PHTF1: variants seen among roughly 807,000 people sequenced by gnomAD.
PHTF1 encodes the protein protein PHTF1.
Under a neutral mutation model 102.4 loss-of-function variants are expected in PHTF1, and 88 were observed. The observed-to-expected ratio is 0.86, with a 90% CI of 0.72 to 1.03. The LOEUF (loss-of-function observed/expected upper bound fraction) is 1.03. Among genes scored for constraint, PHTF1 ranks in the 50% least tolerant of loss-of-function variants. The pLI is 0.00. For synonymous variants in PHTF1, 289 were observed against 305.2 expected, an observed-to-expected ratio of 0.95 and a Z score of 0.55; for missense variants, 814 against 909.5, an observed-to-expected ratio of 0.89 and a Z score of 1.35.
At chr1:113,703,533 T>G (rs945695763) in intron 15 of PHTF1, among the ~76,000 whole-genome samples, 3 of 144,738 alleles carry the variant, frequency 2.1e-5, no homozygotes, top group African/African-American at 7.3e-5. Flanking sequence ...GTTTTTTTCT[T>G]TTTTTTTCAT....
intron 2 of PHTF1, 108 bp downstream of exon 2, chr1:113,758,551 T>C: frequency 2.0e-6 from 1 of 501,602 alleles, no homozygotes. Flanking sequence ...GAAGTATACA[T>C]GAACACCTGG....
In PHTF1 at chr1:113,700,722, C is replaced by CCT. The variant is rs1649342269; in HGVS notation, c.2046+70_2046+71dup. On this transcript the variant is annotated intron_variant, in intron 16 of 18. Coordinates refer to ENST00000369604, the MANE Select transcript of PHTF1 (RefSeq NM_001323043.2). The stretch of plus-strand genomic sequence containing the variant: ...GCTAGACAGTGATTAAACCCTGAAT[C>CCT]CTCTGCAGGAACCTTACAGCGTATT... 2.9e-6 allele frequency: 4 copies of CCT among 1,397,856 alleles called. No individual in the cohort carries two copies. The East Asian group carries it at 9.4e-5, about 33-fold the overall frequency. 86.6% of individuals were successfully genotyped at this position (1,397,856 alleles called of 1,614,324 possible).
chr1:113,720,774 C>G (rs1652804248), intron 7 of PHTF1, among the ~76,000 whole-genome samples: 1 of 152,172 alleles, frequency 6.6e-6, no homozygotes, highest in Non-Finnish European at 1.5e-5. Flanking sequence ...GTGCGGGTGC[C>G]CACCCCACAT....
At chr1:113,738,894 C>T in intron 3 of PHTF1, 95 bp from the exon 4 acceptor site, 2 of 827,914 alleles carry the variant, frequency 2.4e-6, no homozygotes, top group Non-Finnish European at 3.8e-6. Context: ...TCTTGTAGCC[C>T]AGGCTGGAGT....
intron 18 of PHTF1, 125 bp downstream of exon 18, chr1:113,698,137 T>A: frequency 1.4e-6 from 1 of 725,978 alleles, no homozygotes; most frequent in South Asian, 2.0e-5. Flanking sequence ...CCTCAAGAGT[T>A]ATTTGCATGC....
At chr1:113,751,153 ATACATT>A (rs1658015387) in intron 3 of PHTF1, among the ~76,000 whole-genome samples, 1 of 152,188 alleles carries the variant, frequency 6.6e-6, no homozygotes, top group African/African-American at 2.4e-5. Context: ...GTGAATATGT[ATACATT>A]TACATTTTTG....
At chr1:113,741,204 GCAGT>G (rs924488317) in intron 3 of PHTF1, among the ~76,000 whole-genome samples, 6 of 152,124 alleles carry the variant, frequency 3.9e-5, no homozygotes, top group South Asian at 4.1e-4. Context: ...TTAAACAGAT[GCAGT>G]CAGTTTCTCT....
chr1:113,723,843 C>T (rs997813965), intron 7 of PHTF1, among the ~76,000 whole-genome samples: 2 of 152,120 alleles, frequency 1.3e-5, no homozygotes, highest in African/African-American at 4.8e-5. Flanking sequence ...ATACAACTCA[C>T]AGAATGAGAG....
chr1:113,752,385 A>ATTTTT lies in PHTF1; in HGVS notation c.102+5309_102+5313dup, dbSNP rs774522219. 1.8e-3 allele frequency among the ~76,000 whole-genome samples: 86 copies of ATTTTT among 47,916 alleles called. 6 individuals are homozygous for ATTTTT. Among genetic ancestry groups the ATTTTT allele is most frequent in the East Asian group, 3.0e-3 (5 of 1,666 alleles). 31.4% of individuals were successfully genotyped at this position (47,916 alleles called of 152,430 possible). On this transcript the variant is annotated intron_variant, in intron 3 of 18. Coordinates refer to ENST00000369604, the MANE Select transcript of PHTF1 (RefSeq NM_001323043.2). ...CTTGCCACATTCATTTGTTACTGTA[A>ATTTTT]TTTTTTTTTTTTTTTTTTTTTTTTT...
rs1348222294 is a variant in PHTF1, at chr1:113,726,523, AC to A, written c.382del (p.Val128TyrfsTer23). On this transcript the variant is annotated frameshift_variant, in exon 6 of 19. Coordinates refer to ENST00000369604, the MANE Select transcript of PHTF1 (RefSeq NM_001323043.2). LOFTEE classifies it high-confidence loss of function. ...LMMPIVNISE[V>X]LGPLCLMLLM... The stretch of plus-strand genomic sequence containing the variant: ...TAGCATAAGGCACAAGGGTCCAAGT[AC>A]TTCACTTATGTTCACAATAGGCATC... The A allele has an allele frequency of 6.2e-7, 1 of 1,607,966 alleles. No individual in the cohort carries two copies. Among genetic ancestry groups the A allele is most frequent in the Admixed American group, 1.7e-5 (1 of 59,266 alleles).
At chr1:113,727,379 T>C (rs1171196171) in intron 5 of PHTF1, among the ~76,000 whole-genome samples, 1 of 152,166 alleles carries the variant, frequency 6.6e-6, no homozygotes, top group Non-Finnish European at 1.5e-5. Context: ...TGTTCACCGC[T>C]ATATCTAAAA....
chr1:113,757,632 G>GT, intron 3 of PHTF1, 67 bp downstream of exon 3: 1 of 990,762 alleles, frequency 1.0e-6, no homozygotes, highest in Non-Finnish European at 1.6e-6. Context: ...AGTTTACCAG[G>GT]TAAGTACAAT....
intron 5 of PHTF1, among the ~76,000 whole-genome samples, chr1:113,733,750 C>T (rs1292182484): frequency 2.0e-5 from 3 of 152,126 alleles, no homozygotes; most frequent in Non-Finnish European, 4.4e-5. Flanking sequence ...TTATAAAGCA[C>T]CTAGGCCATG....
Position 113,759,209 on chromosome 1 carries a change from C to A in PHTF1, c.-217G>T. The A allele has an allele frequency of 2.1e-6, 1 of 466,426 alleles. No individual in the cohort carries two copies. The highest frequency in any genetic ancestry group is 2.8e-6 in the Non-Finnish European group (1 of 354,978). 28.9% of individuals were successfully genotyped at this position (466,426 alleles called of 1,614,324 possible). A position where few individuals can be genotyped will look rare whatever the true frequency, so the allele number is the denominator to read the frequency against. ...CCCCAGCTTCGGAGGCAGCCGGCCG[C>A]CCAGCGCCCTGAGGGCGGCAAATCG... On this transcript the variant is annotated 5_prime_UTR_variant, in exon 1 of 19. Coordinates refer to ENST00000369604, the MANE Select transcript of PHTF1 (RefSeq NM_001323043.2).
At chr1:113,748,943 T>C (rs1240724426) in intron 3 of PHTF1, among the ~76,000 whole-genome samples, 2 of 152,250 alleles carry the variant, frequency 1.3e-5, no homozygotes, top group Admixed American at 1.3e-4. Flanking sequence ...ATTCTATGTA[T>C]TCAGTGTGTA....
intron 2 of PHTF1, among the ~76,000 whole-genome samples, chr1:113,758,231 CAA>C (rs1162537319): frequency 4.8e-4 from 28 of 58,214 alleles, no homozygotes; most frequent in African/African-American, 1.6e-3. Flanking sequence ...AACTCCGTCT[CAA>C]AAAAAAAAAA....
At chr1:113,701,615 G>A (rs377071378) in intron 15 of PHTF1, among the ~76,000 whole-genome samples, 11 of 151,796 alleles carry the variant, frequency 7.2e-5, no homozygotes, top group South Asian at 6.3e-4. Flanking sequence ...CCAGGGCTAC[G>A]TAGGCTCCCA....
intron 3 of PHTF1, among the ~76,000 whole-genome samples, chr1:113,744,321 A>G (rs912090740): frequency 6.6e-6 from 1 of 152,244 alleles, no homozygotes. Context: ...TTGATGCAAT[A>G]TAATTGGACT....
rs1371903277 is a variant in PHTF1 at position 113,724,863 on chromosome 1, C to G, written c.519G>C (p.Gly173=). The change falls in exon 7 of 19, where the codon GGG becomes GGC. Residue 173 remains glycine (G), a synonymous_variant. Transcript: ENST00000369604. ...AGGAGTTATTTCCATTTTCTCGGCT[C>G]CCATCACCATTTACAGTTTTTCGTA... ...RKLRKTVNGD[G]SRENGNNSSD... The G allele has an allele frequency of 6.2e-7, 1 of 1,606,344 alleles. No individual in the cohort carries two copies. Among genetic ancestry groups the G allele is most frequent in the Admixed American group, 1.7e-5 (1 of 59,020 alleles).
Sources: gnomAD v4.1 joint callset for allele counts (sites outside exome capture counted in the v4.1 genomes callset) on GRCh38, gnomAD v4.1.1 for gene constraint, MANE v1.5 for transcripts, NCBI Gene and HGNC (gene_info 2026-07-23, HGNC 2026-07-21) for gene names.